The following CUL2 variants were observed in gnomAD, a reference collection of about 807,000 sequenced individuals.
CUL2 encodes cullin-2.
Under a neutral mutation model 110.2 loss-of-function variants are expected in CUL2, and 22 were observed. That is an observed-to-expected ratio of 0.20 (90% CI 0.14 to 0.28). The LOEUF (loss-of-function observed/expected upper bound fraction) is 0.28, where lower values mean the gene tolerates loss of function less well. CUL2 is among the 10% of genes least tolerant of loss of function. The probability of loss-of-function intolerance (pLI) is 1.00; values close to 1 mark genes in which losing one functional copy is unlikely to be tolerated. For missense variants in CUL2, 631 were observed against 905.5 expected (o/e 0.70, Z 3.89); for synonymous variants, 279 against 293.2 (o/e 0.95, Z 0.49).
chr10:35,074,163 C>T, intron 1 of CUL2: 1 of 1,532,570 alleles, frequency 6.5e-7, no homozygotes, highest in South Asian at 1.2e-5. Context: ...TCAGATCTTG[C>T]CCTTATCAAA....
Position 35,010,164 on chromosome 10 carries a change from G to T in CUL2, c.*147C>A. 1 of 588,388 alleles carries T rather than the reference G, an allele frequency of 1.7e-6. No homozygotes were observed. The highest frequency in any genetic ancestry group is 2.6e-6 in the Non-Finnish European group (1 of 385,968). The allele number at this position is 588,388 out of a possible 1,614,324, so 36.4% of individuals were successfully genotyped here. A position where few individuals can be genotyped will look rare whatever the true frequency, so the allele number is the denominator to read the frequency against. On this transcript the variant is annotated 3_prime_UTR_variant, in exon 21 of 21. Transcript: ENST00000374749. ...TCTAGGCATTTTCTTTGACGCTCAT[G>T]ACGTGGCACTGGTGATGTTGTAAAC...
At chr10:35,053,834 T>C (rs2134871505) in intron 5 of CUL2, among the ~76,000 whole-genome samples, 1 of 152,296 alleles carries the variant, frequency 6.6e-6, no homozygotes, top group South Asian at 2.1e-4. Flanking sequence ...TACATGAACT[T>C]ACAAGCTTTT....
chr10:35,074,455 C>T (rs2086763298), intron 1 of CUL2: 3 of 569,116 alleles, frequency 5.3e-6, no homozygotes, highest in Non-Finnish European at 9.5e-6. Context: ...GCTGCCCCCT[C>T]CACCCATTCC....
At chr10:35,015,281 G>A (rs1210497598) in intron 18 of CUL2, among the ~76,000 whole-genome samples, 3 of 148,098 alleles carry the variant, frequency 2.0e-5, no homozygotes, top group South Asian at 2.1e-4. Context: ...CAACAAGAGT[G>A]GAACTCCGTC....
chr10:35,044,732 T>A, intron 7 of CUL2, 40 bp downstream of exon 7: 1 of 1,585,808 alleles, frequency 6.3e-7, no homozygotes, highest in Non-Finnish European at 8.6e-7. Flanking sequence ...GTTTAAGAAA[T>A]TAACAGTCTG....
At chr10:35,041,977 T>G (rs1011569861) in intron 8 of CUL2, among the ~76,000 whole-genome samples, 1 of 152,260 alleles carries the variant, frequency 6.6e-6, no homozygotes, top group Non-Finnish European at 1.5e-5. Flanking sequence ...GGTTTTGGTA[T>G]ATTACATTAT....
Position 35,063,056 on chromosome 10 carries a change from G to T in CUL2, c.126C>A (p.Ile42=). 6.6e-7 allele frequency: 1 copy of T among 1,517,740 alleles called. No homozygotes were observed. The highest frequency in any genetic ancestry group is 9.1e-7 in the Non-Finnish European group (1 of 1,099,912). 94.0% of individuals were successfully genotyped at this position (1,517,740 alleles called of 1,614,324 possible). A position where few individuals can be genotyped will look rare whatever the true frequency, so the allele number is the denominator to read the frequency against. Residue 42 remains isoleucine (I), a synonymous_variant, in exon 3 of 21, where the codon ATC becomes ATA. Transcript: ENST00000374749. ...CAGGATAGGCCACACATAAAGCATA[G>T]ATATCTCTAGTTAAATTATTAAGGT... ...RATWNDRFSD[I]YALCVAYPEP...
At chr10:35,045,749 GA>G (rs1455697841) in intron 6 of CUL2, among the ~76,000 whole-genome samples, 3 of 151,972 alleles carry the variant, frequency 2.0e-5, no homozygotes, top group Non-Finnish European at 2.9e-5. Flanking sequence ...AAATAAAATA[GA>G]AAAAAAGTTT....
upstream of CUL2, among the ~76,000 whole-genome samples, chr10:35,092,204 C>G (rs2087220935): frequency 1.3e-5 from 2 of 152,240 alleles, no homozygotes; most frequent in Non-Finnish European, 2.9e-5. Context: ...ATCTGCCCAC[C>G]TCAGCCTCCC....
intron 16 of CUL2, among the ~76,000 whole-genome samples, chr10:35,026,875 G>A (rs1458573656): frequency 6.6e-6 from 1 of 151,782 alleles, no homozygotes; most frequent in Admixed American, 6.6e-5. Context: ...GGGTACATGT[G>A]CACAATGTGC....
At chr10:35,099,916 C>T (rs2087353778) in intron 2 of CUL2, among the ~76,000 whole-genome samples, 1 of 152,046 alleles carries the variant, frequency 6.6e-6, no homozygotes, top group Non-Finnish European at 1.5e-5. Context: ...GACTAGATCT[C>T]TGTGGGCAAG....
At chr10:35,028,746 GATATA>G in intron 16 of CUL2, 59 bp downstream of exon 16, 1 of 1,049,450 alleles carries the variant, frequency 9.5e-7, no homozygotes, top group Non-Finnish European at 1.4e-6. Flanking sequence ...TATTAAAGGT[GATATA>G]ATATGAAGAC....
chr10:35,039,174 G>T, intron 8 of CUL2, 92 bp from the exon 9 acceptor site: 3 of 682,148 alleles, frequency 4.4e-6, no homozygotes, highest in South Asian at 5.5e-5. Flanking sequence ...AAATTTTAAT[G>T]GCTGAATTAA....
In CUL2 at chr10:35,031,481, C is replaced by A. The variant is rs2085478935; in HGVS notation, c.1299+10G>T. ...AAAATACAAATGAAACTTTTCTGTT[C>A]ACAACATACCTTTTGAAAGACGTCC... On this transcript the variant is annotated intron_variant, in intron 13 of 20. Coordinates refer to ENST00000374749, the MANE Select transcript of CUL2 (RefSeq NM_003591.4). The surrounding 1 kb of genome is among the most constrained non-coding windows in gnomAD (Gnocchi z 4.4). The A allele has an allele frequency of 1.9e-6, 3 of 1,611,182 alleles. No homozygotes were observed. The highest frequency in any genetic ancestry group is 3.4e-5 in the Admixed American group (2 of 59,700).
At position 35,044,917 on chromosome 10, in the gene CUL2, T is replaced by C. The variant is rs777929747; in HGVS notation, c.507-49A>G. ...TATTCTTGAGAATACAAATTATCTATGGAAATATACCCAAAATATGCCAAA... is the reference window on the plus strand; with the variant it reads ...TATTCTTGAGAATACAAATTATCTACGGAAATATACCCAAAATATGCCAAA... On this transcript the variant is annotated intron_variant, in intron 6 of 20. Transcript: ENST00000374749. 1.2e-5 allele frequency: 17 copies of C among 1,435,088 alleles called. No homozygotes were observed. In the East Asian group the frequency reaches 2.1e-4, roughly 17 times the overall value. 88.9% of individuals were successfully genotyped at this position (1,435,088 alleles called of 1,614,324 possible).
chr10:35,071,379 C>T (rs1342781933), intron 1 of CUL2, 40 bp from the exon 2 acceptor site: 1 of 1,553,768 alleles, frequency 6.4e-7, no homozygotes. Context: ...GCAATAATTC[C>T]ATGAGCTTAG....
At chr10:35,118,650 A>G (rs1373431259) in intron 1 of CUL2, 2 of 145,310 alleles carry the variant, frequency 1.4e-5, no homozygotes, top group African/African-American at 5.1e-5. Flanking sequence ...AGCAGTTCTC[A>G]TGGTCCTCAG....
chr10:35,013,793 A>G lies in CUL2; in HGVS notation c.1895T>C (p.Ile632Thr), dbSNP rs2084961928. The change falls in exon 19 of 21, where the codon ATT becomes ACT. Residue 632 changes from isoleucine (I) to threonine (T), a missense_variant. Physicochemically the swap from Ile to Thr is moderately conservative, Grantham distance 89. This residue lies in a region of CUL2 where 159 missense variants were observed against 202.7 expected (regional missense o/e 0.78). Transcript: ENST00000374749. ...TAATGAAAACGAAGATTCTGCATCA[A>G]TATCTTCCTACATTTAAAAATAAAA... ...MINHDSEKEDIDAESSFSLNM... is the reference protein window; with the variant it reads ...MINHDSEKEDTDAESSFSLNM... 1.4e-5 allele frequency: 21 copies of G among 1,492,000 alleles called. No homozygotes were observed. The highest frequency in any genetic ancestry group is 1.8e-5 in the Non-Finnish European group (20 of 1,105,218). 92.4% of individuals were successfully genotyped at this position (1,492,000 alleles called of 1,614,324 possible).
chr10:35,071,754 G>A (rs1376719336), intron 1 of CUL2, among the ~76,000 whole-genome samples: 1 of 152,122 alleles, frequency 6.6e-6, no homozygotes, highest in African/African-American at 2.4e-5. Context: ...CATGATATAT[G>A]CAAGGAGTGA....
Sources: allele counts gnomAD v4.1 joint callset (sites outside exome capture counted in the v4.1 genomes callset), GRCh38; gene constraint gnomAD v4.1.1; regional missense constraint gnomAD v4.1.1; non-coding constraint Gnocchi (gnomAD v3.1); transcripts MANE v1.5; gene names NCBI Gene and HGNC (gene_info 2026-07-23, HGNC 2026-07-21).